Variants in TOM1 observed in about 807,000 individuals in gnomAD.
TOM1 encodes the protein target of Myb protein 1.
In TOM1, 38 loss-of-function variants were observed where a neutral mutation model predicts 61.3. The observed-to-expected ratio is 0.62, with a 90% CI of 0.48 to 0.81. The LOEUF (loss-of-function observed/expected upper bound fraction) is 0.81, where lower values mean the gene tolerates loss of function less well. Among genes scored for constraint, TOM1 ranks in the 40% least tolerant of loss-of-function variants. TOM1 has a pLI of 0.00. For synonymous variants in TOM1, 270 were observed against 268.8 expected (o/e 1.00, Z -0.04); for missense variants, 591 against 659.6 (o/e 0.90, Z 1.14).
At chr22:35,341,726 C>T (rs1929897118) in intron 12 of TOM1, among the ~76,000 whole-genome samples, 1 of 152,178 alleles carries the variant, frequency 6.6e-6, no homozygotes, top group Non-Finnish European at 1.5e-5. Flanking sequence ...GTCCTGGCTC[C>T]CACACTACCT....
intron 9 of TOM1, 168 bp from the exon 10 acceptor site, chr22:35,333,236 G>A: frequency 1.3e-6 from 1 of 793,810 alleles, no homozygotes; most frequent in Non-Finnish European, 2.1e-6. Flanking sequence ...AGGGAGTCCA[G>A]TTGAGCTGGA....
intron 12 of TOM1, among the ~76,000 whole-genome samples, chr22:35,343,326 A>G (rs1205979164): frequency 6.7e-6 from 1 of 148,366 alleles, no homozygotes; most frequent in Non-Finnish European, 1.5e-5. Context: ...ATACACCTAC[A>G]CACCCCCACA....
At chr22:35,340,857 C>G (rs1929814586) in intron 12 of TOM1, among the ~76,000 whole-genome samples, 1 of 152,220 alleles carries the variant, frequency 6.6e-6, no homozygotes, top group South Asian at 2.1e-4. Context: ...CCTGGGTCTC[C>G]CAGCATCTCA....
In TOM1 at chr22:35,330,329, C is replaced by G; in HGVS notation, c.766-18C>G. On this transcript the variant is annotated intron_variant, in intron 7 of 14. Transcript: ENST00000449058. ...CTGAGTCATGTGACTGTGGTTGCCT[C>G]ACTTCCTTTCCTGGCAGGAGCTCAA... 6.2e-7 allele frequency: 1 copy of G among 1,602,260 alleles called. No individual in the cohort carries two copies. Among genetic ancestry groups the G allele is most frequent in the Non-Finnish European group, 8.5e-7 (1 of 1,176,078 alleles).
rs376544852 is a variant in TOM1 at position 35,346,804 on chromosome 22, C to T, written c.1285-126C>T. 1.0e-4 allele frequency: 86 copies of T among 861,404 alleles called. No individual in the cohort carries two copies. The East Asian group carries it at 1.3e-3, about 13-fold the overall frequency. The allele number at this position is 861,404 out of a possible 1,614,324, so 53.4% of individuals were successfully genotyped here. A position where few individuals can be genotyped will look rare whatever the true frequency, so the allele number is the denominator to read the frequency against. On this transcript the variant is annotated intron_variant, in intron 13 of 14. Coordinates refer to ENST00000449058, the MANE Select transcript of TOM1 (RefSeq NM_005488.3). ...GGTCCTGGGACCTGGGTGGTGGGGG[C>T]GTGCAGAGCCTGAGCTGGGACCCAG...
intron 12 of TOM1, among the ~76,000 whole-genome samples, chr22:35,342,132 CTG>C (rs1929926566): frequency 6.6e-6 from 1 of 152,130 alleles, no homozygotes; most frequent in African/African-American, 2.4e-5. Context: ...CATAGTAAGA[CTG>C]TATCTCAAAA....
intron 3 of TOM1, chr22:35,322,454 C>A (rs1927880080): frequency 4.8e-6 from 1 of 209,110 alleles, no homozygotes; most frequent in Non-Finnish European, 9.6e-6. Flanking sequence ...GCCCACACCA[C>A]TGAACCAGCC....
chr22:35,308,350 C>G (rs1926527424), intron 1 of TOM1, among the ~76,000 whole-genome samples: 1 of 144,610 alleles, frequency 6.9e-6, no homozygotes, highest in African/African-American at 2.6e-5. Flanking sequence ...GTGGGGCAGT[C>G]TTGGCTCACT....
At chr22:35,320,349 G>C (rs1927660120) in intron 2 of TOM1, among the ~76,000 whole-genome samples, 1 of 152,180 alleles carries the variant, frequency 6.6e-6, no homozygotes, top group Non-Finnish European at 1.5e-5. Flanking sequence ...GGGCAGCACT[G>C]AGTATACCTG....
intron 6 of TOM1, among the ~76,000 whole-genome samples, chr22:35,325,257 C>T (rs1928210171): frequency 6.6e-6 from 1 of 152,192 alleles, no homozygotes; most frequent in Non-Finnish European, 1.5e-5. Flanking sequence ...TTAACTTTCC[C>T]AATAAGCGTC....
chr22:35,316,522 C>T (rs1927294153), intron 1 of TOM1, among the ~76,000 whole-genome samples: 1 of 152,256 alleles, frequency 6.6e-6, no homozygotes, highest in African/African-American at 2.4e-5. Flanking sequence ...TCCCACACTA[C>T]AGTTCACAAA....
At chr22:35,342,318 T>C (rs1433078418) in intron 12 of TOM1, among the ~76,000 whole-genome samples, 1 of 152,052 alleles carries the variant, frequency 6.6e-6, no homozygotes, top group African/African-American at 2.4e-5. Flanking sequence ...CCAGGCCCCA[T>C]GCTGGTCTGA....
Position 35,347,148 on chromosome 22 carries a change from C to T in TOM1, c.1418C>T (p.Ser473Phe). The T allele has an allele frequency of 6.2e-7, 1 of 1,613,706 alleles. No individual in the cohort carries two copies. Among genetic ancestry groups the T allele is most frequent in the Non-Finnish European group, 8.5e-7 (1 of 1,179,840 alleles). ...PSAEGPPGPP[S>F]GPAPRKKTQE... ...GCTGAGGGGCCCCCGGGTCCCCCAT[C>T]TGGCCCAGCGCCCCGGAAGAAGACC... Residue 473 changes from serine to phenylalanine, a missense_variant, in exon 15 of 15, where the codon TCT (serine) becomes TTT (phenylalanine). By Grantham distance (155) the Ser-to-Phe change is radical (BLOSUM62 -2). Coordinates refer to ENST00000449058, the MANE Select transcript of TOM1 (RefSeq NM_005488.3).
At chr22:35,333,604 C>A in intron 10 of TOM1, 107 bp downstream of exon 10, 1 of 987,850 alleles carries the variant, frequency 1.0e-6, no homozygotes, top group Non-Finnish European at 1.5e-6. Flanking sequence ...GAGTGTCAGT[C>A]TGGACCCCAC....
Position 35,347,230 on chromosome 22 carries a change from C to T in TOM1, c.*21C>T, listed in dbSNP as rs751021039. 3.2e-6 allele frequency: 5 copies of T among 1,575,998 alleles called. No individual in the cohort carries two copies. Among genetic ancestry groups the T allele is most frequent in the Non-Finnish European group, 4.3e-6 (5 of 1,158,724 alleles). On this transcript the variant is annotated 3_prime_UTR_variant, in exon 15 of 15. Coordinates refer to ENST00000449058, the MANE Select transcript of TOM1 (RefSeq NM_005488.3). ...TATGAGTGTGGGGTCTGGCACCCTG[C>T]AGCCCAGGTCCCCACTGCTCTCACA...
chr22:35,329,997 T>C (rs1928677386), intron 7 of TOM1, among the ~76,000 whole-genome samples: 1 of 152,110 alleles, frequency 6.6e-6, no homozygotes, highest in African/African-American at 2.4e-5. Flanking sequence ...TGGCCTCACT[T>C]GGCCAGGCGC....
At chr22:35,303,131 A>AACACACACACACACAC (rs138739) in intron 1 of TOM1, among the ~76,000 whole-genome samples, 62 of 149,276 alleles carry the variant, frequency 4.2e-4, no homozygotes, top group African/African-American at 1.3e-3. Context: ...CTCCCCTCCC[A>AACACACACACACACAC]ACACACACAC....
upstream of TOM1, chr22:35,299,733 C>A: frequency 1.6e-6 from 1 of 623,012 alleles, no homozygotes. Context: ...CCGAGCAAGC[C>A]GCAGTGAGGT....
At position 35,299,924 on chromosome 22, in the gene TOM1, C is replaced by G; in HGVS notation, c.-5C>G. The G allele has an allele frequency of 6.3e-7, 1 of 1,580,732 alleles. No homozygotes were observed. Among genetic ancestry groups the G allele is most frequent in the South Asian group, 1.1e-5 (1 of 87,304 alleles). The stretch of plus-strand genomic sequence containing the variant: ...CCGGGGTTGGTGGCAGCGGCGGTAG[C>G]AGCAATGGACTTTCTCCTGGGGAAC... On this transcript the variant is annotated 5_prime_UTR_variant, in exon 1 of 15. Transcript: ENST00000449058.
Sources: allele counts gnomAD v4.1 joint callset (sites outside exome capture counted in the v4.1 genomes callset), GRCh38; gene constraint gnomAD v4.1.1; transcripts MANE v1.5; gene names NCBI Gene and HGNC (gene_info 2026-07-23, HGNC 2026-07-21).